The following TENM2 variants were observed in gnomAD, a reference collection of about 807,000 sequenced individuals.
TENM2 encodes the protein teneurin-2.
A neutral mutation model predicts 245.2 loss-of-function variants in TENM2; 52 were observed. That is an observed-to-expected ratio of 0.21 (90% CI 0.17 to 0.27). The LOEUF (loss-of-function observed/expected upper bound fraction) is 0.27, where lower values mean the gene tolerates loss of function less well. Among genes scored for constraint, TENM2 ranks in the 10% least tolerant of loss-of-function variants. The pLI, the probability that TENM2 is intolerant of heterozygous loss-of-function variation, is 1.00. For synonymous variants in TENM2, 1,363 were observed against 1,438.9 expected (o/e 0.95, Z 1.19); for missense variants, 3,046 against 3,666.8 (o/e 0.83, Z 4.37).
the TENM2 span, among the ~76,000 whole-genome samples, chr5:167,031,558 T>C: frequency 6.6e-6 from 1 of 152,166 alleles, no homozygotes; most frequent in East Asian, 1.9e-4. Flanking sequence ...CCTTGTATTC[T>C]GTTGCATATT....
chr5:168,118,207 C>T, intron 9 of TENM2, 85 bp from the exon 12 acceptor site: 1 of 1,179,702 alleles, frequency 8.5e-7, no homozygotes, highest in East Asian at 2.5e-5. Context: ...AGCCCCAAGG[C>T]CAGACAGCTC....
chr5:167,147,919 C>G, the TENM2 span, among the ~76,000 whole-genome samples: 3 of 152,092 alleles, frequency 2.0e-5, no homozygotes, highest in African/African-American at 4.8e-5. Flanking sequence ...AATGAACATT[C>G]CATGCTAGAG....
At chr5:168,136,948 C>T (rs544030905) in intron 12 of TENM2, among the ~76,000 whole-genome samples, 11 of 152,326 alleles carry the variant, frequency 7.2e-5, no homozygotes, top group Admixed American at 4.6e-4. Flanking sequence ...ATAATCGCAT[C>T]CCAGTTGGAA....
the TENM2 span, among the ~76,000 whole-genome samples, chr5:167,236,560 A>G: frequency 1.3e-5 from 2 of 152,272 alleles, no homozygotes; most frequent in South Asian, 4.1e-4. Flanking sequence ...AAAACAACCT[A>G]ACTTTTAGAT....
At chr5:168,174,914 G>A (rs2152477897) in intron 13 of TENM2, among the ~76,000 whole-genome samples, 1 of 152,312 alleles carries the variant, frequency 6.6e-6, no homozygotes, top group Admixed American at 6.5e-5. Context: ...GAGTTTGCTG[G>A]GAGAGAGCAG....
intron 2 of TENM2, among the ~76,000 whole-genome samples, chr5:167,836,418 A>G (rs1478070184): frequency 2.6e-5 from 4 of 152,210 alleles, no homozygotes; most frequent in Non-Finnish European, 4.4e-5. Context: ...GAGTTTGTGG[A>G]TGGTCCAATT....
chr5:167,423,270 A>C (rs1763617900), intron 2 of TENM2, among the ~76,000 whole-genome samples: 1 of 152,214 alleles, frequency 6.6e-6, no homozygotes, highest in Non-Finnish European at 1.5e-5. Context: ...CCTGAAAGAC[A>C]GATTAACTGC....
At chr5:168,182,410 C>T (rs568353442) in intron 13 of TENM2, among the ~76,000 whole-genome samples, 3 of 152,254 alleles carry the variant, frequency 2.0e-5, no homozygotes, top group South Asian at 2.1e-4. Flanking sequence ...TCATTTCACA[C>T]GCACCTTCTT....
chr5:167,228,160 C>G, the TENM2 span, among the ~76,000 whole-genome samples: 1 of 152,038 alleles, frequency 6.6e-6, no homozygotes, highest in Non-Finnish European at 1.5e-5. Flanking sequence ...TCCCAGGTAG[C>G]TGGGGACTAC....
the TENM2 span, among the ~76,000 whole-genome samples, chr5:167,109,557 C>T: frequency 6.6e-6 from 1 of 151,808 alleles, no homozygotes; most frequent in Non-Finnish European, 1.5e-5. Flanking sequence ...TTCATCCTAA[C>T]AATAAAAGTG....
In TENM2 at chr5:168,007,679, C is replaced by T. The variant is rs74665809; in HGVS notation, c.1186+14497C>T. 5.9e-5 allele frequency among the ~76,000 whole-genome samples: 9 copies of T among 152,284 alleles called. No homozygotes were observed. The East Asian group carries it at 1.7e-3, about 29-fold the overall frequency. On this transcript the variant is annotated intron_variant, in intron 5 of 28. Transcript: ENST00000518659. The stretch of plus-strand genomic sequence containing the variant: ...TCCTTTCTTGACACACTGAAACGAA[C>T]GACTCACTGAAAATATCTACTTCAA...
the TENM2 span, among the ~76,000 whole-genome samples, chr5:167,038,862 G>A: frequency 6.6e-6 from 1 of 152,096 alleles, no homozygotes; most frequent in East Asian, 1.9e-4. Flanking sequence ...TTTGAGATTT[G>A]CTTTTTATCT....
chr5:167,978,787 A>G lies in TENM2; in HGVS notation c.948-14157A>G, dbSNP rs535504071. Among the ~76,000 whole-genome samples the G allele has an allele frequency of 1.2e-4, 19 of 152,330 alleles. No homozygotes were observed. The South Asian group carries it at 2.9e-3, about 23-fold the overall frequency. On this transcript the variant is annotated intron_variant, in intron 4 of 28. Transcript: ENST00000518659. ...TGCAATTAGAAATGGTTAATTTTGT[A>G]TCATGTGAATTTTACCTCAACTTTT...
At chr5:167,027,939 C>T in the TENM2 span, among the ~76,000 whole-genome samples, 7 of 151,912 alleles carry the variant, frequency 4.6e-5, no homozygotes, top group East Asian at 5.9e-4. Flanking sequence ...GCCTTGGTGG[C>T]GCACACCTGT....
At chr5:167,137,873 C>T in the TENM2 span, among the ~76,000 whole-genome samples, 1 of 152,168 alleles carries the variant, frequency 6.6e-6, no homozygotes, top group Non-Finnish European at 1.5e-5. Context: ...ACCAATCAGC[C>T]ATTCTCACAT....
chr5:168,039,845 T>A (rs1788029711), intron 5 of TENM2, among the ~76,000 whole-genome samples: 1 of 151,796 alleles, frequency 6.6e-6, no homozygotes, highest in Non-Finnish European at 1.5e-5. Context: ...ACACTCGCAG[T>A]GTCAACAGCA....
intron 5 of TENM2, among the ~76,000 whole-genome samples, chr5:167,998,968 C>G (rs1180240556): frequency 6.6e-6 from 1 of 152,186 alleles, no homozygotes; most frequent in Non-Finnish European, 1.5e-5. Flanking sequence ...TTGAGACTCA[C>G]GCTGATGAAT....
At chr5:167,802,104 C>T (rs749901405) in intron 2 of TENM2, among the ~76,000 whole-genome samples, 1 of 152,100 alleles carries the variant, frequency 6.6e-6, no homozygotes, top group African/African-American at 2.4e-5. Context: ...AAACAGCTCT[C>T]TTATATCTCT....
intron 2 of TENM2, among the ~76,000 whole-genome samples, chr5:167,498,291 T>C (rs1290451479): frequency 1.3e-5 from 2 of 152,158 alleles, no homozygotes; most frequent in Admixed American, 1.3e-4. Context: ...GTTTCCTTTC[T>C]CTGCTCTCCA....
Sources: allele counts gnomAD v4.1 joint callset (sites outside exome capture counted in the v4.1 genomes callset), GRCh38; gene constraint gnomAD v4.1.1; transcripts MANE v1.5; gene names NCBI Gene and HGNC (gene_info 2026-07-23, HGNC 2026-07-21).